Variants in PLCE1 observed in about 807,000 individuals in gnomAD.
The protein encoded by PLCE1 is 1-phosphatidylinositol 4,5-bisphosphate phosphodiesterase epsilon-1.
PLCE1 carries 119 observed loss-of-function variants against 242.8 expected under a neutral mutation model. That is an observed-to-expected ratio of 0.49 (90% CI 0.42 to 0.57). The LOEUF (loss-of-function observed/expected upper bound fraction) is 0.57, where lower values mean the gene tolerates loss of function less well. Ranked by LOEUF, PLCE1 falls within the 20% of genes least tolerant of loss-of-function variation. The pLI, the probability that PLCE1 is intolerant of heterozygous loss-of-function variation, is 0.00. For synonymous variants in PLCE1, 945 were observed against 1,017.4 expected, an observed-to-expected ratio of 0.93 and a Z score of 1.35; for missense variants, 2,441 against 2,788.8, an observed-to-expected ratio of 0.88 and a Z score of 2.81.
intron 4 of PLCE1, among the ~76,000 whole-genome samples, chr10:94,223,062 T>C (rs555593994): frequency 6.6e-6 from 1 of 151,956 alleles, no homozygotes; most frequent in African/African-American, 2.4e-5. Context: ...CCTGATGGCA[T>C]GGTCTCAGGG....
At chr10:94,230,778 A>T (rs889619864) in intron 5 of PLCE1, among the ~76,000 whole-genome samples, 4 of 151,978 alleles carry the variant, frequency 2.6e-5, no homozygotes, top group Non-Finnish European at 5.9e-5. Context: ...ATGGCTATTT[A>T]AAAAAATTTT....
chr10:94,190,131 A>C (rs955526713), intron 4 of PLCE1, among the ~76,000 whole-genome samples: 3 of 152,014 alleles, frequency 2.0e-5, no homozygotes, highest in African/African-American at 7.2e-5. Flanking sequence ...AAAATACAGA[A>C]GTTACAGGCG....
chr10:94,232,368 G>A (rs977660239), intron 5 of PLCE1, among the ~76,000 whole-genome samples: 1 of 152,148 alleles, frequency 6.6e-6, no homozygotes, highest in Non-Finnish European at 1.5e-5. Flanking sequence ...CAGTCTCAGA[G>A]ACTTGTAGTA....
chr10:94,277,834 C>G (rs377445318), intron 19 of PLCE1, among the ~76,000 whole-genome samples: 1 of 152,280 alleles, frequency 6.6e-6, no homozygotes, highest in East Asian at 1.9e-4. Flanking sequence ...CACTGGAGAT[C>G]TTTGAAGACT....
chr10:94,235,062 T>TCACACACACACACACACACA (rs3222767), intron 6 of PLCE1, among the ~76,000 whole-genome samples: 14 of 135,542 alleles, frequency 1.0e-4, no homozygotes, highest in African/African-American at 3.1e-4. Context: ...TACTGACCTT[T>TCACACACACACACACACACA]CACACACACA....
At chr10:94,165,068 G>A (rs1388734494) in intron 3 of PLCE1, among the ~76,000 whole-genome samples, 1 of 152,220 alleles carries the variant, frequency 6.6e-6, no homozygotes, top group Non-Finnish European at 1.5e-5. Context: ...CTCCCAGTTA[G>A]GCTACTCGGG....
chr10:94,019,511 C>A (rs2061339123), intron 1 of PLCE1, among the ~76,000 whole-genome samples: 1 of 152,194 alleles, frequency 6.6e-6, no homozygotes, highest in South Asian at 2.1e-4. Context: ...AATTCTATCT[C>A]CATAGCTTGA....
chr10:94,010,527 A>G (rs982414955), intron 1 of PLCE1, among the ~76,000 whole-genome samples: 2 of 152,216 alleles, frequency 1.3e-5, no homozygotes, highest in Non-Finnish European at 2.9e-5. Flanking sequence ...CCACATGGCC[A>G]GGCTGTGAAT....
At chr10:94,099,930 G>A (rs911124749) in intron 2 of PLCE1, 4 of 152,272 alleles carry the variant, frequency 2.6e-5, no homozygotes, top group African/African-American at 7.2e-5. Context: ...GTTAATGCCA[G>A]TGAGGGTTTA....
intron 4 of PLCE1, among the ~76,000 whole-genome samples, chr10:94,185,976 C>G (rs556769361): frequency 1.1e-4 from 17 of 152,354 alleles, no homozygotes; most frequent in Middle Eastern, 3.4e-3. Flanking sequence ...ACGGACTTCG[C>G]TCCATTTCAA....
At chr10:94,135,827 A>C (rs1056155784) in intron 3 of PLCE1, among the ~76,000 whole-genome samples, 2 of 152,238 alleles carry the variant, frequency 1.3e-5, no homozygotes, top group African/African-American at 4.8e-5. Flanking sequence ...AGATTTCGAA[A>C]AGGAGTTTTA....
At chr10:94,228,649 T>A (rs146073761) in intron 5 of PLCE1, among the ~76,000 whole-genome samples, 2 of 152,306 alleles carry the variant, frequency 1.3e-5, no homozygotes, top group African/African-American at 4.8e-5. Context: ...AGGTAGGGAT[T>A]CTGGGTTAGG....
chr10:94,172,499 C>CT (rs1457841331), intron 4 of PLCE1, among the ~76,000 whole-genome samples: 11 of 152,126 alleles, frequency 7.2e-5, no homozygotes, highest in Non-Finnish European at 1.3e-4. Flanking sequence ...ATATATATCT[C>CT]TGATTGTCTG....
intron 2 of PLCE1, among the ~76,000 whole-genome samples, chr10:94,045,320 G>A (rs1206521506): frequency 6.6e-6 from 1 of 152,036 alleles, no homozygotes; most frequent in African/African-American, 2.4e-5. Context: ...ATTTTTTGTA[G>A]AGGTAGGGTC....
chr10:94,219,010 AT>A (rs939306629), intron 4 of PLCE1, among the ~76,000 whole-genome samples: 12 of 148,592 alleles, frequency 8.1e-5, no homozygotes, highest in Non-Finnish European at 1.8e-4. Context: ...TTAATTGTTA[AT>A]TTTATGTATA....
intron 2 of PLCE1, among the ~76,000 whole-genome samples, chr10:94,079,808 C>A (rs1003656521): frequency 5.9e-5 from 9 of 152,144 alleles, no homozygotes; most frequent in Non-Finnish European, 2.9e-5. Flanking sequence ...CTGTTGCTGA[C>A]ATGATTCCCT....
At chr10:94,219,336 A>C (rs1297489420) in intron 4 of PLCE1, among the ~76,000 whole-genome samples, 2 of 152,234 alleles carry the variant, frequency 1.3e-5, no homozygotes, top group African/African-American at 2.4e-5. Context: ...AGAGGGCTTC[A>C]GGGATGGCTG....
At chr10:94,154,895 C>CAT (rs56833534) in intron 3 of PLCE1, among the ~76,000 whole-genome samples, 6,557 of 144,600 alleles carry the variant, frequency 0.045, 251 homozygotes, top group African/African-American at 0.096. Context: ...TATATATATA[C>CAT]ATATATATAT....
chr10:94,299,241 A>T (rs1250933243), intron 24 of PLCE1, among the ~76,000 whole-genome samples: 1 of 152,120 alleles, frequency 6.6e-6, no homozygotes. Flanking sequence ...GACGCCTAAA[A>T]CTCCAGAGTA....
Sources: gnomAD v4.1 joint callset for allele counts (sites outside exome capture counted in the v4.1 genomes callset) on GRCh38, gnomAD v4.1.1 for gene constraint, MANE v1.5 for transcripts, NCBI Gene and HGNC (gene_info 2026-07-23, HGNC 2026-07-21) for gene names.